Variants in DGKB observed in about 807,000 individuals in gnomAD.
DGKB encodes diacylglycerol kinase beta.
In DGKB, 67 loss-of-function variants were observed where a neutral mutation model predicts 114.3. That is an observed-to-expected ratio of 0.59 (90% CI 0.48 to 0.72). The LOEUF (loss-of-function observed/expected upper bound fraction) is 0.72, where lower values mean the gene tolerates loss of function less well. Among genes scored for constraint, DGKB ranks in the 30% least tolerant of loss-of-function variants. The pLI is 0.00. For missense variants in DGKB, 907 were observed against 975.2 expected, an observed-to-expected ratio of 0.93 and a Z score of 0.93; for synonymous variants, 398 against 323.1, an observed-to-expected ratio of 1.23 and a Z score of -2.49.
At chr7:14,244,886 G>A (rs1794244603) in intron 23 of DGKB, among the ~76,000 whole-genome samples, 1 of 151,944 alleles carries the variant, frequency 6.6e-6, no homozygotes, top group Admixed American at 6.6e-5. Context: ...ACTGTGAGAA[G>A]TAAATTTCTG....
chr7:14,429,956 C>T (rs1327971505), intron 21 of DGKB, among the ~76,000 whole-genome samples: 4 of 151,942 alleles, frequency 2.6e-5, no homozygotes, highest in African/African-American at 7.3e-5. Context: ...AAATGTATTT[C>T]GGGGAAATTC....
At chr7:14,876,809 C>T (rs1853362462) in intron 1 of DGKB, among the ~76,000 whole-genome samples, 1 of 152,090 alleles carries the variant, frequency 6.6e-6, no homozygotes, top group Non-Finnish European at 1.5e-5. Context: ...GTATATTGTG[C>T]CTAGCAAAAT....
At chr7:14,707,345 A>C (rs1186147349) in intron 6 of DGKB, among the ~76,000 whole-genome samples, 5 of 150,356 alleles carry the variant, frequency 3.3e-5, no homozygotes, top group Non-Finnish European at 7.4e-5. Flanking sequence ...AACCAAAAAG[A>C]GTCCAGGGCC....
At chr7:14,820,848 G>T (rs1430280081) in intron 2 of DGKB, among the ~76,000 whole-genome samples, 1 of 152,096 alleles carries the variant, frequency 6.6e-6, no homozygotes, top group African/African-American at 2.4e-5. Flanking sequence ...GCACAATGTG[G>T]CTCGGTAATT....
chr7:14,735,763 A>G (rs1831613801), intron 5 of DGKB, among the ~76,000 whole-genome samples: 1 of 152,248 alleles, frequency 6.6e-6, no homozygotes, highest in Non-Finnish European at 1.5e-5. Context: ...TTATTTAACA[A>G]GAGCAGTTTT....
At chr7:14,761,759 T>C (rs1835728478) in intron 2 of DGKB, among the ~76,000 whole-genome samples, 1 of 152,138 alleles carries the variant, frequency 6.6e-6, no homozygotes, top group South Asian at 2.1e-4. Context: ...GCTGTGAGCT[T>C]GGAGATCAGT....
intron 12 of DGKB, among the ~76,000 whole-genome samples, chr7:14,674,330 A>G (rs1819498235): frequency 6.6e-6 from 1 of 152,202 alleles, no homozygotes; most frequent in African/African-American, 2.4e-5. Flanking sequence ...TGTTGAAGAT[A>G]GAGAAGCAGC....
intron 21 of DGKB, among the ~76,000 whole-genome samples, chr7:14,358,419 G>T (rs1348680493): frequency 1.3e-5 from 2 of 152,016 alleles, no homozygotes; most frequent in African/African-American, 4.8e-5. Flanking sequence ...TAGTTCTCGT[G>T]CCATGGTTTT....
chr7:14,913,962 T>C (rs1174388227), intron 1 of DGKB, among the ~76,000 whole-genome samples: 1 of 152,108 alleles, frequency 6.6e-6, no homozygotes, highest in African/African-American at 2.4e-5. Flanking sequence ...AAAAAACACT[T>C]GAGCAAGTAA....
At chr7:14,951,658 TTTAG>T (rs1423693629) in intron 1 of DGKB, among the ~76,000 whole-genome samples, 3 of 152,026 alleles carry the variant, frequency 2.0e-5, no homozygotes, top group Non-Finnish European at 2.9e-5. Context: ...AACTATGTGC[TTTAG>T]TTAATAATAA....
intron 2 of DGKB, among the ~76,000 whole-genome samples, chr7:14,799,488 A>G (rs1173096524): frequency 1.3e-5 from 2 of 152,204 alleles, no homozygotes; most frequent in East Asian, 3.8e-4. Context: ...GAGGGTAAAA[A>G]GTAAATCTGA....
At chr7:14,347,784 T>C (rs1015020328) in intron 21 of DGKB, among the ~76,000 whole-genome samples, 3 of 152,124 alleles carry the variant, frequency 2.0e-5, no homozygotes, top group East Asian at 1.9e-4. Flanking sequence ...GAGTAGTAGA[T>C]TGTAAGTTTC....
intron 1 of DGKB, among the ~76,000 whole-genome samples, chr7:14,927,813 C>T (rs1029978657): frequency 1.2e-4 from 18 of 151,880 alleles, no homozygotes; most frequent in African/African-American, 4.1e-4. Context: ...TAGCAGCTGA[C>T]TTACATTTTG....
intron 23 of DGKB, among the ~76,000 whole-genome samples, chr7:14,276,024 A>G (rs553025691): frequency 3.3e-5 from 5 of 152,290 alleles, no homozygotes; most frequent in African/African-American, 1.2e-4. Context: ...ATAGTGATAG[A>G]CCTATTCGTA....
intron 23 of DGKB, among the ~76,000 whole-genome samples, chr7:14,183,735 T>C (rs1020990048): frequency 6.6e-6 from 1 of 152,208 alleles, no homozygotes; most frequent in Non-Finnish European, 1.5e-5. Flanking sequence ...CTAAATTCCA[T>C]GTTACTGTGA....
chr7:14,155,157 T>TTGAC (rs1782814578), intron 25 of DGKB, among the ~76,000 whole-genome samples: 1 of 152,098 alleles, frequency 6.6e-6, no homozygotes, highest in African/African-American at 2.4e-5. Context: ...TAAGAATCTG[T>TTGAC]TGACTGACTG....
chr7:14,817,736 GATTAT>G (rs1270073762), intron 2 of DGKB, among the ~76,000 whole-genome samples: 1 of 152,100 alleles, frequency 6.6e-6, no homozygotes, highest in Non-Finnish European at 1.5e-5. Flanking sequence ...ACAATGTTTA[GATTAT>G]ATTGTCAAAA....
chr7:14,865,675 A>T (rs2128187562), intron 1 of DGKB, among the ~76,000 whole-genome samples: 1 of 152,312 alleles, frequency 6.6e-6, no homozygotes, highest in Middle Eastern at 3.4e-3. Context: ...CATCATATAC[A>T]GTGAGAATGA....
chr7:14,431,833 GC>G, intron 21 of DGKB, among the ~76,000 whole-genome samples: 1 of 151,984 alleles, frequency 6.6e-6, no homozygotes, highest in East Asian at 1.9e-4. Context: ...AAGAAAAATA[GC>G]CCCTCATATG....
Sources: allele counts gnomAD v4.1 joint callset (sites outside exome capture counted in the v4.1 genomes callset), GRCh38; gene constraint gnomAD v4.1.1; transcripts MANE v1.5; gene names NCBI Gene and HGNC (gene_info 2026-07-23, HGNC 2026-07-21).